The following ARID3B variants were observed in gnomAD, a reference collection of about 807,000 sequenced individuals.
The protein encoded by ARID3B is AT-rich interactive domain-containing protein 3B.
In ARID3B, 10 loss-of-function variants were observed where a neutral mutation model predicts 51.9. The ratio of observed to expected loss-of-function variants is 0.19; its 90% CI spans 0.12 to 0.33. ARID3B has a LOEUF of 0.33. Ranked by LOEUF, ARID3B falls within the 10% of genes least tolerant of loss-of-function variation. ARID3B has a pLI of 1.00. For missense variants in ARID3B, 483 were observed against 716.3 expected (o/e 0.67, Z 3.72); for synonymous variants, 205 against 279.5 (o/e 0.73, Z 2.66).
chr15:74,576,936 G>A (rs2061740273), intron 4 of ARID3B, among the ~76,000 whole-genome samples: 1 of 152,228 alleles, frequency 6.6e-6, no homozygotes, highest in Non-Finnish European at 1.5e-5. Flanking sequence ...GGGCCATCCT[G>A]GATGGGTCAG....
chr15:74,564,773 TA>T (rs2061691790), intron 2 of ARID3B, among the ~76,000 whole-genome samples: 1 of 151,974 alleles, frequency 6.6e-6, no homozygotes, highest in Admixed American at 6.6e-5. Context: ...GCTAATTTTT[TA>T]ATTTTTTGGT....
chr15:74,590,633 G>C (rs2061799448), intron 5 of ARID3B, among the ~76,000 whole-genome samples: 2 of 152,232 alleles, frequency 1.3e-5, no homozygotes. Context: ...AAGTTGTTCT[G>C]TGAAGAGTAT....
In ARID3B at chr15:74,591,808, G is replaced by A. The variant is rs1206939308; in HGVS notation, c.1414G>A (p.Gly472Ser). ...GCTCCCCATGAAGATCAGGATCAAC[G>A]GCAGGGGTGAGCCAGGCTCAGGGCC... Reference protein sequence around the residue: ...RQLPMKIRINGREDRAEASAA... With the variant: ...RQLPMKIRINSREDRAEASAA... Residue 472 changes from glycine (G) to serine (S), a missense_variant, in exon 7 of 9, where the codon GGC becomes AGC. This residue lies in a region of ARID3B where 265 missense variants were observed against 354.4 expected (regional missense o/e 0.75). Transcript: ENST00000346246. This position sits in a 1 kb window ranked among gnomAD's most constrained non-coding sequence, Gnocchi z 5.8. The A allele has an allele frequency of 1.6e-5, 25 of 1,612,494 alleles. No individual in the cohort carries two copies. Among genetic ancestry groups the A allele is most frequent in the Non-Finnish European group, 1.9e-5 (22 of 1,178,818 alleles).
intron 8 of ARID3B, among the ~76,000 whole-genome samples, chr15:74,594,664 A>G (rs1247716520): frequency 6.6e-6 from 1 of 152,258 alleles, no homozygotes; most frequent in East Asian, 1.9e-4. Context: ...ACTCCCTCAG[A>G]GCACCGCCCT....
chr15:74,568,995 C>T (rs2061709716), intron 2 of ARID3B, among the ~76,000 whole-genome samples: 1 of 152,184 alleles, frequency 6.6e-6, no homozygotes, highest in African/African-American at 2.4e-5. Context: ...TTTGTTTTCC[C>T]CACCCTCCAT....
intron 2 of ARID3B, among the ~76,000 whole-genome samples, chr15:74,571,590 T>C (rs1245761783): frequency 6.6e-6 from 1 of 152,240 alleles, no homozygotes; most frequent in Admixed American, 6.5e-5. Flanking sequence ...TGTATGTTTT[T>C]TGAAGAGGTG....
At chr15:74,572,150 T>A (rs1185473852) in intron 2 of ARID3B, among the ~76,000 whole-genome samples, 1 of 152,120 alleles carries the variant, frequency 6.6e-6, no homozygotes. Context: ...TGATTAAAGA[T>A]AGGAAGCAAG....
intron 4 of ARID3B, among the ~76,000 whole-genome samples, chr15:74,585,340 A>G (rs956633325): frequency 2.6e-5 from 4 of 152,256 alleles, no homozygotes; most frequent in African/African-American, 9.6e-5. Context: ...AGAGCAGGCC[A>G]GAGACCCCTT....
chr15:74,591,959 A>G lies in ARID3B; in HGVS notation c.1420+145A>G. 7.5e-7 allele frequency: 1 copy of G among 1,334,780 alleles called. No homozygotes were observed. The highest frequency in any genetic ancestry group is 1.0e-6 in the Non-Finnish European group (1 of 989,804). The allele number at this position is 1,334,780 out of a possible 1,614,324, so 82.7% of individuals were successfully genotyped here. On this transcript the variant is annotated intron_variant, in intron 7 of 8. Coordinates refer to ENST00000346246, the MANE Select transcript of ARID3B (RefSeq NM_006465.4). The surrounding 1 kb of genome is among the most constrained non-coding windows in gnomAD (Gnocchi z 5.8). ...CAGGTTCTGCCTTCCAGGCCCCTAG[A>G]AGAGAGGCACTGAGATCTTAGTTCA...
At chr15:74,557,970 C>T (rs1027582829) in intron 2 of ARID3B, among the ~76,000 whole-genome samples, 1 of 151,646 alleles carries the variant, frequency 6.6e-6, no homozygotes, top group Non-Finnish European at 1.5e-5. Context: ...TACAGGCGCC[C>T]GCCACCACGC....
rs146770231 is a variant in ARID3B at position 74,544,263 on chromosome 15, G to A, written c.327G>A (p.Glu109=). 10 of 1,614,090 alleles carry A rather than the reference G, an allele frequency of 6.2e-6. No individual in the cohort carries two copies. The African/African-American group carries it at 1.1e-4, about 17-fold the overall frequency. The change falls in exon 2 of 9, where the codon GAG becomes GAA. Residue 109 remains glutamate, a synonymous_variant. Transcript: ENST00000346246. ...AGGATGGGGATGATGAAGTTGCAGA[G>A]GTGGCTGAGAAAGAAACCCAGGCTG... The part of the protein sequence containing the change: ...EDEDGDDEVA[E]VAEKETQAAS...
At chr15:74,593,991 C>T (rs2061813791) in intron 8 of ARID3B, among the ~76,000 whole-genome samples, 1 of 151,442 alleles carries the variant, frequency 6.6e-6, no homozygotes, top group African/African-American at 2.4e-5. Context: ...TGCAGTAAGC[C>T]GTGATTGTAC....
chr15:74,551,746 T>C (rs987457958), intron 2 of ARID3B, among the ~76,000 whole-genome samples: 1 of 152,232 alleles, frequency 6.6e-6, no homozygotes, highest in Non-Finnish European at 1.5e-5. Context: ...TTGCACATTA[T>C]TGCCAGCTTT....
intron 4 of ARID3B, among the ~76,000 whole-genome samples, chr15:74,580,291 C>G (rs990892540): frequency 2.0e-5 from 3 of 152,170 alleles, no homozygotes; most frequent in Admixed American, 6.5e-5. Flanking sequence ...TTCTGAAATA[C>G]CATTCCCTCA....
intron 2 of ARID3B, among the ~76,000 whole-genome samples, chr15:74,572,280 G>T (rs1285334456): frequency 1.4e-4 from 21 of 152,208 alleles, no homozygotes; most frequent in Admixed American, 1.4e-3. Flanking sequence ...CGCCCTAGTG[G>T]CACAGAGTCT....
intron 2 of ARID3B, among the ~76,000 whole-genome samples, chr15:74,557,681 T>G (rs1275381279): frequency 1.3e-5 from 2 of 152,172 alleles, no homozygotes; most frequent in Non-Finnish European, 2.9e-5. Flanking sequence ...ATTGCAAGGT[T>G]ATTATTGGCC....
At chr15:74,581,635 G>GT (rs2061762244) in intron 4 of ARID3B, among the ~76,000 whole-genome samples, 1 of 151,936 alleles carries the variant, frequency 6.6e-6, no homozygotes, top group East Asian at 1.9e-4. Context: ...AAATATACTG[G>GT]TTTTTCCCCC....
intron 4 of ARID3B, among the ~76,000 whole-genome samples, chr15:74,576,228 A>G (rs2061736980): frequency 2.6e-5 from 4 of 152,074 alleles, no homozygotes; most frequent in Admixed American, 2.6e-4. Flanking sequence ...CATGGCCTCT[A>G]TCCACTAGAT....
intron 2 of ARID3B, among the ~76,000 whole-genome samples, chr15:74,552,768 G>T (rs1389445836): frequency 6.6e-6 from 1 of 152,036 alleles, no homozygotes; most frequent in Non-Finnish European, 1.5e-5. Context: ...TGGCTTAGTA[G>T]CTTATTTCTT....
Sources: allele counts gnomAD v4.1 joint callset (sites outside exome capture counted in the v4.1 genomes callset), GRCh38; gene constraint gnomAD v4.1.1; regional missense constraint gnomAD v4.1.1; non-coding constraint Gnocchi (gnomAD v3.1); transcripts MANE v1.5; gene names NCBI Gene and HGNC (gene_info 2026-07-23, HGNC 2026-07-21).